CSMD1: variants seen among roughly 807,000 people sequenced by gnomAD.
The protein encoded by CSMD1 is CUB and sushi domain-containing protein 1.
CSMD1 carries 213 observed loss-of-function variants against 417.5 expected under a neutral mutation model. The ratio of observed to expected loss-of-function variants is 0.51; its 90% CI spans 0.46 to 0.57. The LOEUF (loss-of-function observed/expected upper bound fraction) is 0.57. Ranked by LOEUF, CSMD1 falls within the 20% of genes least tolerant of loss-of-function variation. The probability of loss-of-function intolerance (pLI) is 0.00; values close to 1 mark genes in which losing one functional copy is unlikely to be tolerated. For synonymous variants in CSMD1, 2,862 were observed against 1,736.8 expected (o/e 1.65, Z -16.11); for missense variants, 6,923 against 4,529.7 (o/e 1.53, Z -15.17).
chr8:4,172,214 C>T (rs765209518), intron 3 of CSMD1, among the ~76,000 whole-genome samples: 1 of 152,102 alleles, frequency 6.6e-6, no homozygotes, highest in Non-Finnish European at 1.5e-5. Context: ...AAATAAAACA[C>T]TGGACCAAGA....
At chr8:4,519,930 T>TGC (rs1453502778) in intron 2 of CSMD1, among the ~76,000 whole-genome samples, 3 of 71,772 alleles carry the variant, frequency 4.2e-5, no homozygotes, top group African/African-American at 5.6e-5. Context: ...AGTGTGTGTG[T>TGC]GTGTGCGTGT....
At position 4,299,392 on chromosome 8, in the gene CSMD1, T is replaced by C. The variant is rs59631106; in HGVS notation, c.415+120561A>G. ...GTCTGAAGTGATTGTAGATAACCAG[T>C]CGTCTCAACATGAGAGAGGTGATTT... On this transcript the variant is annotated intron_variant, in intron 3 of 69. Coordinates refer to ENST00000635120, the MANE Select transcript of CSMD1 (RefSeq NM_033225.6). Among the ~76,000 whole-genome samples, 14 of 152,300 alleles carry C rather than the reference T, an allele frequency of 9.2e-5. No individual in the cohort carries two copies. The East Asian group carries it at 2.5e-3, about 27-fold the overall frequency.
At chr8:4,327,385 C>T (rs1184178177) in intron 3 of CSMD1, among the ~76,000 whole-genome samples, 3 of 152,148 alleles carry the variant, frequency 2.0e-5, no homozygotes, top group African/African-American at 7.2e-5. Flanking sequence ...TGGGGAGACT[C>T]TGCTAATGTA....
At chr8:3,307,474 T>C (rs998797158) in intron 25 of CSMD1, among the ~76,000 whole-genome samples, 1 of 152,194 alleles carries the variant, frequency 6.6e-6, no homozygotes, top group Non-Finnish European at 1.5e-5. Context: ...AGCTAACTGA[T>C]ACACTCTCAT....
intron 36 of CSMD1, chr8:3,183,144 A>C (rs1821524376): frequency 6.7e-6 from 1 of 149,406 alleles, no homozygotes; most frequent in East Asian, 2.0e-4. Context: ...TCTAACGCCT[A>C]ATCTATCTAT....
intron 2 of CSMD1, among the ~76,000 whole-genome samples, chr8:4,619,573 T>A (rs943402926): frequency 6.6e-6 from 1 of 152,176 alleles, no homozygotes; most frequent in South Asian, 2.1e-4. Flanking sequence ...TTTTGATGAT[T>A]TGCTCACCAG....
intron 3 of CSMD1, among the ~76,000 whole-genome samples, chr8:4,117,741 G>T (rs926373013): frequency 2.0e-5 from 3 of 152,130 alleles, no homozygotes; most frequent in African/African-American, 7.2e-5. Flanking sequence ...AGTAAGTTTA[G>T]ATGTCAAATA....
intron 1 of CSMD1, among the ~76,000 whole-genome samples, chr8:4,764,895 C>CAAAACAAAACAAAAAA (rs763804321): frequency 2.6e-4 from 8 of 30,572 alleles, no homozygotes; most frequent in South Asian, 1.4e-3. Context: ...AAAAAAAAAA[C>CAAAACAAAACAAAAAA]AACAACAACA....
chr8:3,757,932 G>A (rs1489314084), intron 5 of CSMD1, among the ~76,000 whole-genome samples: 2 of 151,984 alleles, frequency 1.3e-5, no homozygotes, highest in Non-Finnish European at 2.9e-5. Flanking sequence ...GCAGCCTAGT[G>A]TAATTCAGGT....
chr8:4,851,583 G>C (rs941937179), intron 1 of CSMD1, among the ~76,000 whole-genome samples: 2 of 151,860 alleles, frequency 1.3e-5, no homozygotes, highest in African/African-American at 4.8e-5. Context: ...ATCTTCAGTT[G>C]GCATTCAATA....
At chr8:3,611,020 G>A (rs1260740801) in intron 8 of CSMD1, among the ~76,000 whole-genome samples, 1 of 143,622 alleles carries the variant, frequency 7.0e-6, no homozygotes, top group African/African-American at 2.6e-5. Context: ...CTCATAGGTG[G>A]GAACTGAACA....
intron 39 of CSMD1, among the ~76,000 whole-genome samples, chr8:3,157,044 G>C (rs1381271794): frequency 6.8e-6 from 1 of 147,176 alleles, no homozygotes; most frequent in Non-Finnish European, 1.5e-5. Flanking sequence ...AGAGGAAGTA[G>C]ATCCAGGAGA....
intron 26 of CSMD1, among the ~76,000 whole-genome samples, chr8:3,261,383 C>T (rs906738928): frequency 3.3e-5 from 5 of 152,126 alleles, no homozygotes; most frequent in African/African-American, 9.7e-5. Flanking sequence ...CTTACGTTCC[C>T]ATGATAAAGA....
intron 3 of CSMD1, among the ~76,000 whole-genome samples, chr8:4,231,325 CA>C (rs1801713909): frequency 2.0e-5 from 3 of 152,174 alleles, no homozygotes; most frequent in Non-Finnish European, 4.4e-5. Flanking sequence ...GGTCCAACCT[CA>C]CATATGACTT....
At chr8:3,319,964 AG>A (rs1158958468) in intron 23 of CSMD1, among the ~76,000 whole-genome samples, 1 of 152,184 alleles carries the variant, frequency 6.6e-6, no homozygotes, top group Non-Finnish European at 1.5e-5. Flanking sequence ...TTATCACCTT[AG>A]ACTTAAGTCT....
intron 3 of CSMD1, among the ~76,000 whole-genome samples, chr8:4,312,435 A>G (rs569887387): frequency 7.5e-6 from 1 of 133,604 alleles, no homozygotes; most frequent in African/African-American, 3.7e-5. Flanking sequence ...GTATATATAT[A>G]TGCGTATATA....
intron 12 of CSMD1, among the ~76,000 whole-genome samples, chr8:3,453,910 G>A (rs1415599981): frequency 2.0e-5 from 3 of 152,014 alleles, no homozygotes; most frequent in African/African-American, 7.2e-5. Flanking sequence ...TTGACAGTAG[G>A]GTGTTAAAGT....
chr8:3,380,291 G>A (rs988399971), intron 18 of CSMD1, among the ~76,000 whole-genome samples: 1 of 152,146 alleles, frequency 6.6e-6, no homozygotes, highest in Non-Finnish European at 1.5e-5. Flanking sequence ...ACTGTTGGTG[G>A]GAGTGTAAAT....
At chr8:4,167,141 C>T (rs1202508813) in intron 3 of CSMD1, among the ~76,000 whole-genome samples, 1 of 152,176 alleles carries the variant, frequency 6.6e-6, no homozygotes, top group African/African-American at 2.4e-5. Flanking sequence ...ACTTAGGTGA[C>T]ATTTTTTTTT....
Sources: allele counts gnomAD v4.1 joint callset (sites outside exome capture counted in the v4.1 genomes callset), GRCh38; gene constraint gnomAD v4.1.1; transcripts MANE v1.5; gene names NCBI Gene and HGNC (gene_info 2026-07-23, HGNC 2026-07-21).